Variants in NAA50 observed in about 807,000 individuals in gnomAD.
NAA50 encodes the protein N-alpha-acetyltransferase 50.
A neutral mutation model predicts 20.7 loss-of-function variants in NAA50; 7 were observed. That is an observed-to-expected ratio of 0.34 (90% confidence interval 0.19 to 0.63). NAA50 has a LOEUF of 0.63. NAA50 is among the 30% of genes least tolerant of loss of function. The probability of loss-of-function intolerance (pLI) is 0.75; values close to 1 mark genes in which losing one functional copy is unlikely to be tolerated. For missense variants in NAA50, 111 were observed against 199.1 expected (o/e 0.56, Z 2.66); for synonymous variants, 54 against 70.6 (o/e 0.77, Z 1.18).
chr3:113,730,966 G>A (rs956233862), intron 1 of NAA50, among the ~76,000 whole-genome samples: 2 of 152,158 alleles, frequency 1.3e-5, no homozygotes, highest in South Asian at 4.1e-4. Context: ...GGTCTTAAGT[G>A]TATAGGAGTT....
Position 113,718,298 on chromosome 3 carries a change from G to A in NAA50, c.*3462C>T, listed in dbSNP as rs765079309. On this transcript the variant is annotated 3_prime_UTR_variant, in exon 5 of 5. Transcript: ENST00000240922. ...TCTAGCCTTGTCAAGCTTCAAGATG[G>A]TACAGTCCTGGCTAACAGCTTGACT... 2.0e-5 allele frequency: 3 copies of A among 152,148 alleles called. No individual in the cohort carries two copies. The highest frequency in any genetic ancestry group is 2.0e-4 in the Admixed American group (3 of 15,270). 9.4% of individuals were successfully genotyped at this position (152,148 alleles called of 1,614,324 possible). A position where few individuals can be genotyped will look rare whatever the true frequency, so the allele number is the denominator to read the frequency against.
At chr3:113,733,365 C>T (rs1342739798) in intron 1 of NAA50, among the ~76,000 whole-genome samples, 1 of 151,394 alleles carries the variant, frequency 6.6e-6, no homozygotes, top group Non-Finnish European at 1.5e-5. Flanking sequence ...AGTGGAGGAA[C>T]TATTAGCGTA....
chr3:113,723,493 T>C lies in NAA50; in HGVS notation c.194A>G (p.His65Arg). 6.2e-7 allele frequency: 1 copy of C among 1,613,200 alleles called. No homozygotes were observed. The highest frequency in any genetic ancestry group is 2.2e-5 in the East Asian group (1 of 44,824). The change falls in exon 3 of 5, where the codon CAT (histidine) becomes CGT (arginine). Residue 65 changes from histidine (H) to arginine (R), a missense_variant. His to Arg is a conservative substitution (Grantham distance 29). Transcript: ENST00000240922. ...AVGAVCCRVD[H>R]SQNQKRLYIM... Reference sequence around the variant, plus strand: ...GTAAAGTCTCTTCTGATTCTGTGAATGATCCACCCTACAGCATACTGCACC... The same window carrying C: ...GTAAAGTCTCTTCTGATTCTGTGAACGATCCACCCTACAGCATACTGCACC...
At chr3:113,741,314 GC>G in intron 1 of NAA50, 1 of 338,822 alleles carries the variant, frequency 3.0e-6, no homozygotes, top group South Asian at 2.7e-5. Flanking sequence ...CTGCTCAATC[GC>G]CAACTGTAGC....
chr3:113,723,589 C>T (rs1359815286), intron 2 of NAA50, 48 bp from the exon 3 acceptor site: 1 of 1,542,704 alleles, frequency 6.5e-7, no homozygotes, highest in Non-Finnish European at 8.7e-7. Flanking sequence ...CAGAATAACA[C>T]ATTTAATCTT....
intron 1 of NAA50, among the ~76,000 whole-genome samples, chr3:113,733,253 T>C (rs1219321862): frequency 6.6e-6 from 1 of 152,196 alleles, no homozygotes; most frequent in Non-Finnish European, 1.5e-5. Flanking sequence ...CACGGTATCA[T>C]ACTAATGTAA....
chr3:113,732,914 CCTTT>C (rs1326632457), intron 1 of NAA50, among the ~76,000 whole-genome samples: 11 of 152,002 alleles, frequency 7.2e-5, no homozygotes, highest in African/African-American at 2.7e-4. Flanking sequence ...CCTTTTATTG[CCTTT>C]CTGTTAATAG....
At chr3:113,738,012 C>G (rs1201427963) in intron 1 of NAA50, among the ~76,000 whole-genome samples, 5 of 152,118 alleles carry the variant, frequency 3.3e-5, no homozygotes, top group Non-Finnish European at 7.4e-5. Context: ...CGAGACCAGC[C>G]TGGGCAACAT....
intron 1 of NAA50, among the ~76,000 whole-genome samples, chr3:113,730,980 C>T (rs1367740792): frequency 1.3e-5 from 2 of 152,172 alleles, no homozygotes; most frequent in African/African-American, 4.8e-5. Context: ...AGGAGTTCTA[C>T]TGTTCTGAAT....
At chr3:113,736,995 C>T (rs940145340) in intron 1 of NAA50, among the ~76,000 whole-genome samples, 9 of 152,162 alleles carry the variant, frequency 5.9e-5, no homozygotes, top group Non-Finnish European at 1.5e-5. Flanking sequence ...ACTCCCCCTT[C>T]ATTTTACAGA....
In NAA50 at chr3:113,723,404, A is replaced by C; in HGVS notation, c.265+18T>G. 6.3e-7 allele frequency: 1 copy of C among 1,591,854 alleles called. No individual in the cohort carries two copies. Among genetic ancestry groups the C allele is most frequent in the South Asian group, 1.1e-5 (1 of 87,790 alleles). ...GTTTATGCTTCTCTGAAGAAGTAAA[A>C]AAACCACAATTTTTTACCTATTCCT... On this transcript the variant is annotated intron_variant, in intron 3 of 4. Coordinates refer to ENST00000240922, the MANE Select transcript of NAA50 (RefSeq NM_025146.4).
In NAA50 at chr3:113,719,166, T is replaced by C. The variant is rs1708100488; in HGVS notation, c.*2594A>G. 1 of 152,634 alleles carries C rather than the reference T, an allele frequency of 6.6e-6. No individual in the cohort carries two copies. Among genetic ancestry groups the C allele is most frequent in the African/African-American group, 2.4e-5 (1 of 41,470 alleles). The allele number at this position is 152,634 out of a possible 1,614,324, so 9.5% of individuals were successfully genotyped here. A position where few individuals can be genotyped will look rare whatever the true frequency, so the allele number is the denominator to read the frequency against. On this transcript the variant is annotated 3_prime_UTR_variant, in exon 5 of 5. Coordinates refer to ENST00000240922, the MANE Select transcript of NAA50 (RefSeq NM_025146.4). ...CCACCACACCATGGTTTCCCAATAG[T>C]TCTCTTTTTGGAGGACTTTTCAATT... is the stretch of plus-strand genomic sequence containing the variant.
intron 1 of NAA50, among the ~76,000 whole-genome samples, chr3:113,724,386 G>A (rs1406741170): frequency 6.6e-6 from 1 of 152,142 alleles, no homozygotes; most frequent in Non-Finnish European, 1.5e-5. Flanking sequence ...GTAGTTCATA[G>A]TTCAGAAAAA....
chr3:113,742,273 G>T (rs1708427137), intron 1 of NAA50, among the ~76,000 whole-genome samples: 1 of 152,074 alleles, frequency 6.6e-6, no homozygotes. Flanking sequence ...GTTTTGTTTT[G>T]TTTTTTAAGA....
At chr3:113,737,962 T>C (rs1708368141) in intron 1 of NAA50, among the ~76,000 whole-genome samples, 1 of 152,160 alleles carries the variant, frequency 6.6e-6, no homozygotes, top group Admixed American at 6.5e-5. Flanking sequence ...CCCAGCATTT[T>C]GGGAAGCCAA....
In NAA50 at chr3:113,718,308, G is replaced by C. The variant is rs1001602256; in HGVS notation, c.*3452C>G. On this transcript the variant is annotated 3_prime_UTR_variant, in exon 5 of 5. Coordinates refer to ENST00000240922, the MANE Select transcript of NAA50 (RefSeq NM_025146.4). ...TCAAGCTTCAAGATGGTACAGTCCT[G>C]GCTAACAGCTTGACTGCAACCTTCT... 1 of 152,078 alleles carries C rather than the reference G, an allele frequency of 6.6e-6. No individual in the cohort carries two copies. Among genetic ancestry groups the C allele is most frequent in the Admixed American group, 6.5e-5 (1 of 15,268 alleles). The allele number at this position is 152,078 out of a possible 1,614,324, so 9.4% of individuals were successfully genotyped here.
At position 113,720,619 on chromosome 3, in the gene NAA50, A is replaced by C. The variant is rs140867057; in HGVS notation, c.*1141T>G. ...CCCCTGCCTCAAATCCTTAAACTCAATATCACAGGCACTGAGTATAAGCAA... is the reference window on the plus strand; with the variant it reads ...CCCCTGCCTCAAATCCTTAAACTCACTATCACAGGCACTGAGTATAAGCAA... On this transcript the variant is annotated 3_prime_UTR_variant, in exon 5 of 5. Coordinates refer to ENST00000240922, the MANE Select transcript of NAA50 (RefSeq NM_025146.4). 6.6e-6 allele frequency: 1 copy of C among 152,634 alleles called. No individual in the cohort carries two copies. Among genetic ancestry groups the C allele is most frequent in the Admixed American group, 6.5e-5 (1 of 15,276 alleles). 9.5% of individuals were successfully genotyped at this position (152,634 alleles called of 1,614,324 possible).
At chr3:113,724,179 T>C (rs1231217380) in intron 1 of NAA50, 84 bp from the exon 2 acceptor site, 1 of 1,308,570 alleles carries the variant, frequency 7.6e-7, no homozygotes, top group African/African-American at 1.5e-5. Context: ...CCAAGTCTTT[T>C]TTACATGATT....
At chr3:113,725,749 C>CA (rs1257026027) in intron 1 of NAA50, among the ~76,000 whole-genome samples, 3 of 152,034 alleles carry the variant, frequency 2.0e-5, no homozygotes, top group African/African-American at 7.3e-5. Flanking sequence ...GCCTGGGTGA[C>CA]AGACTGTCTC....
Sources: allele counts gnomAD v4.1 joint callset (sites outside exome capture counted in the v4.1 genomes callset), GRCh38; gene constraint gnomAD v4.1.1; transcripts MANE v1.5; gene names NCBI Gene and HGNC (gene_info 2026-07-23, HGNC 2026-07-21).